The following KLHL20 variants were observed in gnomAD, a reference collection of about 807,000 sequenced individuals.
KLHL20 encodes kelch like family member 20, also known as kelch-like protein 20.
KLHL20 carries 29 observed loss-of-function variants against 69.5 expected under a neutral mutation model. That is an observed-to-expected ratio of 0.42 (90% CI 0.31 to 0.57). KLHL20 has a LOEUF of 0.57. Among genes scored for constraint, KLHL20 ranks in the 20% least tolerant of loss-of-function variants. The pLI is 0.18. For missense variants in KLHL20, 419 were observed against 776.0 expected, an observed-to-expected ratio of 0.54 and a Z score of 5.47; for synonymous variants, 253 against 265.2, an observed-to-expected ratio of 0.95 and a Z score of 0.45.
intron 1 of KLHL20, 36 bp from the exon 2 acceptor site, chr1:173,715,967 A>G (rs941101005): frequency 1.4e-5 from 19 of 1,397,218 alleles, no homozygotes; most frequent in Non-Finnish European, 1.8e-5. Context: ...GATCAGAAAT[A>G]GCTTTTATTA....
chr1:173,743,060 GA>G (rs200202504), intron 3 of KLHL20, among the ~76,000 whole-genome samples: 8 of 114,516 alleles, frequency 7.0e-5, no homozygotes, highest in Non-Finnish European at 1.3e-4. Context: ...AATTTAATCA[GA>G]AAAAAAAACA....
intron 2 of KLHL20, among the ~76,000 whole-genome samples, chr1:173,716,387 A>C (rs1671472231): frequency 1.3e-5 from 2 of 152,268 alleles, no homozygotes; most frequent in Admixed American, 6.5e-5. Flanking sequence ...TCCCTATAAA[A>C]TGTAGAGGAT....
intron 3 of KLHL20, among the ~76,000 whole-genome samples, chr1:173,742,663 ATG>A (rs1225797533): frequency 1.3e-5 from 2 of 151,134 alleles, no homozygotes; most frequent in Non-Finnish European, 3.0e-5. Context: ...ATATACACGT[ATG>A]TGTATATATA....
chr1:173,783,312 T>C (rs546693566), intron 11 of KLHL20, among the ~76,000 whole-genome samples: 8 of 152,192 alleles, frequency 5.3e-5, no homozygotes, highest in Non-Finnish European at 1.2e-4. Context: ...AAATTTTTCT[T>C]ATGACCATGA....
chr1:173,778,975 T>C (rs1648669753), intron 10 of KLHL20, among the ~76,000 whole-genome samples: 2 of 152,174 alleles, frequency 1.3e-5, no homozygotes, highest in Non-Finnish European at 2.9e-5. Flanking sequence ...TGATCTTTAT[T>C]GTTTCTTCTC....
intron 2 of KLHL20, among the ~76,000 whole-genome samples, chr1:173,724,280 C>T (rs763742122): frequency 8.6e-5 from 13 of 151,666 alleles, no homozygotes; most frequent in Non-Finnish European, 1.3e-4. Context: ...ACTGGGATTA[C>T]AGGCATGAGC....
rs1000641517 is a variant in KLHL20, at chr1:173,770,625, A to C, written c.1296-3680A>C. On this transcript the variant is annotated intron_variant, in intron 8 of 11. Coordinates refer to ENST00000209884, the MANE Select transcript of KLHL20 (RefSeq NM_014458.4). ...AACCCGAGAGGTGAAGGTTGCAGTG[A>C]GCCGAGGTCGCACCATTGAGCTCCA... is the stretch of plus-strand genomic sequence containing the variant. Among the ~76,000 whole-genome samples, 11 of 151,328 alleles carry C rather than the reference A, an allele frequency of 7.3e-5. 1 individual carries two copies. Among genetic ancestry groups the C allele is most frequent in the Admixed American group, 5.3e-4 (8 of 15,146 alleles).
At chr1:173,728,602 G>T (rs1672095629) in intron 2 of KLHL20, among the ~76,000 whole-genome samples, 1 of 152,150 alleles carries the variant, frequency 6.6e-6, no homozygotes, top group Non-Finnish European at 1.5e-5. Flanking sequence ...ACTCAAAACT[G>T]CTCAACTACA....
chr1:173,756,135 A>G, intron 6 of KLHL20, 97 bp downstream of exon 6: 1 of 820,426 alleles, frequency 1.2e-6, no homozygotes, highest in East Asian at 2.7e-5. Flanking sequence ...ATTTACTGTC[A>G]TAAGACACAA....
At chr1:173,723,855 T>C (rs1423673529) in intron 2 of KLHL20, among the ~76,000 whole-genome samples, 1 of 152,190 alleles carries the variant, frequency 6.6e-6, no homozygotes, top group Non-Finnish European at 1.5e-5. Context: ...TCACTTAAGC[T>C]CTGGGAAAAC....
rs1673624181 is a variant in KLHL20, at chr1:173,757,895, A to G, written c.1151+736A>G. Among the ~76,000 whole-genome samples, 2 of 152,160 alleles carry G rather than the reference A, an allele frequency of 1.3e-5. 1 individual carries two copies. The highest frequency in any genetic ancestry group is 2.9e-5 in the Non-Finnish European group (2 of 68,022). ...ATCGCAGTGACTGGGCACATTGGGA[A>G]TCTCTAGTAACTGATGTTTCAATAG... On this transcript the variant is annotated intron_variant, in intron 7 of 11. Coordinates refer to ENST00000209884, the MANE Select transcript of KLHL20 (RefSeq NM_014458.4).
chr1:173,782,398 G>T (rs904359962), intron 11 of KLHL20, among the ~76,000 whole-genome samples, 168 bp downstream of exon 11: 1 of 151,980 alleles, frequency 6.6e-6, no homozygotes, highest in African/African-American at 2.4e-5. Context: ...CTCTAAAGTG[G>T]CTGATATATT....
Position 173,782,236 on chromosome 1 carries a change from T to G in KLHL20, c.1745+6T>G. On this transcript the variant is annotated splice_donor_region_variant and intron_variant, in intron 11 of 11. Coordinates refer to ENST00000209884, the MANE Select transcript of KLHL20 (RefSeq NM_014458.4). ...CCTGATGCCAATACATGGAGGTAAC[T>G]TTTAAGCTGTGTAGCAAATCACCTC... The G allele has an allele frequency of 6.2e-7, 1 of 1,601,424 alleles. No individual in the cohort carries two copies. The highest frequency in any genetic ancestry group is 8.6e-7 in the Non-Finnish European group (1 of 1,168,560).
chr1:173,756,276 C>A (rs1172032902), intron 6 of KLHL20, among the ~76,000 whole-genome samples: 2 of 129,334 alleles, frequency 1.5e-5, no homozygotes, highest in African/African-American at 9.7e-5. Flanking sequence ...AAAATGTTGG[C>A]TGGTCACAGT....
At chr1:173,754,601 A>C (rs1035271225) in intron 5 of KLHL20, among the ~76,000 whole-genome samples, 50 of 152,024 alleles carry the variant, frequency 3.3e-4, no homozygotes, top group Middle Eastern at 3.4e-3. Context: ...AAAAAAAAAA[A>C]ACACACAGAC....
At chr1:173,722,170 C>T (rs188185746) in intron 2 of KLHL20, among the ~76,000 whole-genome samples, 2,622 of 152,186 alleles carry the variant, frequency 0.017, 62 homozygotes, top group African/African-American at 0.061. Context: ...AAGCTGGTCT[C>T]AAACTCCTGA....
At chr1:173,769,735 T>TG (rs1382587656) in intron 8 of KLHL20, among the ~76,000 whole-genome samples, 1 of 148,788 alleles carries the variant, frequency 6.7e-6, no homozygotes, top group East Asian at 2.0e-4. Context: ...GAGCCATGAT[T>TG]GCTCCACTGC....
chr1:173,775,734 T>C lies in KLHL20; in HGVS notation c.1530T>C (p.Tyr510=). 1 of 1,614,150 alleles carries C rather than the reference T, an allele frequency of 6.2e-7. No individual in the cohort carries two copies. The highest frequency in any genetic ancestry group is 1.7e-5 in the Admixed American group (1 of 60,010). ...GTGCAGTATATCAGGACATGATCTA[T>C]GCTGTAGGAGGTAGAGATGACACTA... ...LGCAVYQDMI[Y]AVGGRDDTTE... is the part of the protein sequence containing the mutation. The change falls in exon 10 of 12, where the codon TAT becomes TAC. Residue 510 remains tyrosine, a synonymous_variant. Coordinates refer to ENST00000209884, the MANE Select transcript of KLHL20 (RefSeq NM_014458.4).
chr1:173,748,903 CTAACTA>C (rs772833610), intron 3 of KLHL20, among the ~76,000 whole-genome samples: 30 of 152,054 alleles, frequency 2.0e-4, no homozygotes, highest in South Asian at 1.0e-3. Context: ...ATGTCTTGCT[CTAACTA>C]TAAGTTGCGT....
Sources: gnomAD v4.1 joint callset for allele counts (sites outside exome capture counted in the v4.1 genomes callset) on GRCh38, gnomAD v4.1.1 for gene constraint, MANE v1.5 for transcripts, NCBI Gene and HGNC (gene_info 2026-07-23, HGNC 2026-07-21) for gene names.